Variants in MATN2 observed in about 807,000 individuals in gnomAD.
The protein encoded by MATN2 is matrilin-2.
A neutral mutation model predicts 103.2 loss-of-function variants in MATN2; 69 were observed. The observed-to-expected ratio is 0.67, with a 90% CI of 0.55 to 0.82. The LOEUF (loss-of-function observed/expected upper bound fraction) is 0.82. Among genes scored for constraint, MATN2 ranks in the 40% least tolerant of loss-of-function variants. The probability of loss-of-function intolerance (pLI) is 0.00; values close to 1 mark genes in which losing one functional copy is unlikely to be tolerated. For missense variants in MATN2, 1,023 were observed against 1,211.5 expected, an observed-to-expected ratio of 0.84 and a Z score of 2.31; for synonymous variants, 429 against 450.2, an observed-to-expected ratio of 0.95 and a Z score of 0.60.
intron 3 of MATN2, among the ~76,000 whole-genome samples, chr8:97,941,312 T>C (rs16896442): frequency 0.083 from 12,614 of 152,250 alleles, 566 homozygotes; most frequent in Admixed American, 0.12. Context: ...ATTAAAAATT[T>C]ACGTTACTCT....
intron 4 of MATN2, among the ~76,000 whole-genome samples, chr8:97,953,866 G>A (rs1811051722): frequency 6.6e-6 from 1 of 152,000 alleles, no homozygotes; most frequent in African/African-American, 2.4e-5. Context: ...GGAGGCTGAG[G>A]TGGAAGGATT....
chr8:97,904,157 T>C (rs995212562), intron 2 of MATN2, among the ~76,000 whole-genome samples: 1 of 152,232 alleles, frequency 6.6e-6, no homozygotes, highest in Non-Finnish European at 1.5e-5. Flanking sequence ...GAAAATAAGT[T>C]GTTTTTGTAA....
At chr8:97,932,328 A>C (rs1810226237) in intron 3 of MATN2, among the ~76,000 whole-genome samples, 1 of 152,072 alleles carries the variant, frequency 6.6e-6, no homozygotes, top group Non-Finnish European at 1.5e-5. Context: ...TTTTTGCCCC[A>C]TGGTGGTGCT....
At chr8:97,897,073 A>AG (rs1259124973) in intron 2 of MATN2, among the ~76,000 whole-genome samples, 1 of 152,220 alleles carries the variant, frequency 6.6e-6, no homozygotes, top group African/African-American at 2.4e-5. Flanking sequence ...GCAGTGAAGC[A>AG]GGGGTTGTTA....
At chr8:97,942,515 A>G (rs560521728) in intron 4 of MATN2, among the ~76,000 whole-genome samples, 1 of 152,322 alleles carries the variant, frequency 6.6e-6, no homozygotes, top group East Asian at 1.9e-4. Context: ...CTACCCCTTA[A>G]AGGACAGAAT....
In MATN2 at chr8:98,023,146, G is replaced by C. The variant is rs528954646; in HGVS notation, c.1942+1819G>C. On this transcript the variant is annotated intron_variant, in intron 13 of 18. Coordinates refer to ENST00000254898, the MANE Select transcript of MATN2 (RefSeq NM_002380.5). ...AAAAATTAGCCGGGTGTGGTGGCAT[G>C]CACCTATAATCCCAGCTACTTGAGA... Among the ~76,000 whole-genome samples the C allele has an allele frequency of 9.2e-5, 14 of 151,930 alleles. No individual in the cohort carries two copies. In the South Asian group the frequency reaches 2.9e-3, roughly 32 times the overall value.
At chr8:97,973,571 CTT>C (rs10546662) in intron 5 of MATN2, among the ~76,000 whole-genome samples, 17,905 of 118,792 alleles carry the variant, frequency 0.15, 1,121 homozygotes, top group Admixed American at 0.24. Flanking sequence ...ATTTACAAAT[CTT>C]TTTTTTTTTT....
intron 1 of MATN2, among the ~76,000 whole-genome samples, chr8:97,869,639 G>C (rs1817828369): frequency 6.6e-6 from 1 of 152,222 alleles, no homozygotes; most frequent in African/African-American, 2.4e-5. Flanking sequence ...GAGACCTGTT[G>C]AGCGGGTATG....
chr8:97,984,214 T>C (rs1400000326), intron 6 of MATN2, among the ~76,000 whole-genome samples: 2 of 152,250 alleles, frequency 1.3e-5, no homozygotes, highest in Admixed American at 6.5e-5. Context: ...ACTGACAGGA[T>C]ATTCACTATA....
intron 2 of MATN2, among the ~76,000 whole-genome samples, chr8:97,918,238 T>C (rs1030286281): frequency 1.3e-5 from 2 of 152,254 alleles, no homozygotes; most frequent in Non-Finnish European, 2.9e-5. Flanking sequence ...TTACCCTGCC[T>C]AGCTCTACAG....
intron 4 of MATN2, among the ~76,000 whole-genome samples, chr8:97,954,039 T>A (rs1158023333): frequency 6.6e-6 from 1 of 152,190 alleles, no homozygotes; most frequent in Non-Finnish European, 1.5e-5. Context: ...ATTATCTCAC[T>A]CAACCCTACA....
chr8:98,023,206 G>A (rs117731675), intron 13 of MATN2, among the ~76,000 whole-genome samples: 6,626 of 152,230 alleles, frequency 0.044, 187 homozygotes, highest in South Asian at 0.063. Flanking sequence ...GCAGTGGGCC[G>A]AGATCGTGCC....
In MATN2 at chr8:97,872,995, G is replaced by A. The variant is rs536455343; in HGVS notation, c.-27+3708G>A. Among the ~76,000 whole-genome samples, 17 of 152,072 alleles carry A rather than the reference G, an allele frequency of 1.1e-4. No individual in the cohort carries two copies. The South Asian group carries it at 2.1e-3, about 19-fold the overall frequency. ...TTTTTAGTAGAGATGGGGTTTCACC[G>A]TGTTGGCCACGCTGGTTTCGAACTC... On this transcript the variant is annotated intron_variant, in intron 1 of 18. Coordinates refer to ENST00000254898, the MANE Select transcript of MATN2 (RefSeq NM_002380.5).
At chr8:97,904,164 G>T (rs533792256) in intron 2 of MATN2, among the ~76,000 whole-genome samples, 1 of 152,166 alleles carries the variant, frequency 6.6e-6, no homozygotes, top group East Asian at 1.9e-4. Context: ...AGTTGTTTTT[G>T]TAAAGTAGGT....
intron 6 of MATN2, among the ~76,000 whole-genome samples, chr8:97,991,762 C>G (rs1337993632): frequency 2.0e-5 from 3 of 151,876 alleles, no homozygotes; most frequent in African/African-American, 7.3e-5. Flanking sequence ...TGGGGTCTTG[C>G]TATGTTGCTC....
intron 3 of MATN2, among the ~76,000 whole-genome samples, chr8:97,934,563 C>A (rs1810311230): frequency 6.6e-6 from 1 of 152,178 alleles, no homozygotes; most frequent in Non-Finnish European, 1.5e-5. Context: ...TGAGACAAGT[C>A]CCAATCAATG....
rs1563693146 is a variant in MATN2, at chr8:97,961,393, G to GT, written c.836-14dup. ...GTGCCTGACGTTGTGTTCTAACATCGTGACTTTGCCTCAGTCCAGGATCTG... is the reference window on the plus strand; with the variant it reads ...GTGCCTGACGTTGTGTTCTAACATCGTTGACTTTGCCTCAGTCCAGGATCTG... On this transcript the variant is annotated splice_polypyrimidine_tract_variant and intron_variant, in intron 4 of 18. Coordinates refer to ENST00000254898, the MANE Select transcript of MATN2 (RefSeq NM_002380.5). The GT allele has an allele frequency of 2.5e-6, 4 of 1,605,562 alleles. No homozygotes were observed.
Position 97,979,435 on chromosome 8 carries a change from T to C in MATN2, c.1081+427T>C, listed in dbSNP as rs112966802. ...AAGAATCATAAGTGATTTCTTCTGG[T>C]GGACCGCAGTTTGCAAAGAACTGCT... On this transcript the variant is annotated intron_variant, in intron 6 of 18. Transcript: ENST00000254898. Among the ~76,000 whole-genome samples, 323 of 152,336 alleles carry C rather than the reference T, an allele frequency of 2.1e-3. 2 individuals are homozygous for C. The highest frequency in any genetic ancestry group is 7.4e-3 in the African/African-American group (307 of 41,572).
intron 13 of MATN2, among the ~76,000 whole-genome samples, chr8:98,027,208 T>C (rs1293622303): frequency 3.9e-5 from 6 of 152,074 alleles, no homozygotes; most frequent in Admixed American, 3.9e-4. Flanking sequence ...ACTATTTTTA[T>C]CAATATGACA....
Sources: gnomAD v4.1 joint callset for allele counts (sites outside exome capture counted in the v4.1 genomes callset) on GRCh38, gnomAD v4.1.1 for gene constraint, MANE v1.5 for transcripts, NCBI Gene and HGNC (gene_info 2026-07-23, HGNC 2026-07-21) for gene names.